The following FBXO17 variants were observed in gnomAD, a reference collection of about 807,000 sequenced individuals.
FBXO17 encodes the protein F-box only protein 17.
FBXO17 carries 43 observed loss-of-function variants against 34.1 expected under a neutral mutation model. That is an observed-to-expected ratio of 1.26 (90% CI 0.99 to 1.62). FBXO17 has a LOEUF of 1.62. FBXO17 is among the 40% of genes most tolerant of loss of function. The pLI, the probability that FBXO17 is intolerant of heterozygous loss-of-function variation, is 0.00. For missense variants in FBXO17, 424 were observed against 386.7 expected, an observed-to-expected ratio of 1.10 and a Z score of -0.81; for synonymous variants, 169 against 166.0, an observed-to-expected ratio of 1.02 and a Z score of -0.14.
In FBXO17 at chr19:38,966,307, G is replaced by C. The variant is rs981172728; in HGVS notation, c.-18+9279C>G. Among the ~76,000 whole-genome samples, 7 of 151,460 alleles carry C rather than the reference G, an allele frequency of 4.6e-5. No individual in the cohort carries two copies. In the Middle Eastern group the frequency reaches 0.01, roughly 221 times the overall value. ...AATTAAAAATTTTGTGTGTGTGTGT[G>C]TGTGTGTGTGTGTGGAGATGGGGTC... On this transcript the variant is annotated intron_variant, in intron 1 of 5. Coordinates refer to ENST00000292852, the MANE Select transcript of FBXO17 (RefSeq NM_024907.7).
In FBXO17 at chr19:38,948,683, G is replaced by T. The variant is rs1392836681; in HGVS notation, c.350-5C>A. 9.9e-6 allele frequency: 16 copies of T among 1,613,056 alleles called. No individual in the cohort carries two copies. Among genetic ancestry groups the T allele is most frequent in the Non-Finnish European group, 1.4e-5 (16 of 1,179,562 alleles). On this transcript the variant is annotated splice_polypyrimidine_tract_variant and splice_region_variant and intron_variant, in intron 2 of 5. Coordinates refer to ENST00000292852, the MANE Select transcript of FBXO17 (RefSeq NM_024907.7). ...CCTCCCAGCCTCTGAAGCCCTCTGT[G>T]GGAAAACAAGAGTTGAACATATGGT... is the stretch of plus-strand genomic sequence containing the variant.
In FBXO17 at chr19:38,947,458, C is replaced by G. The variant is rs1395830376; in HGVS notation, c.462-891G>C. On this transcript the variant is annotated intron_variant, in intron 3 of 5. Transcript: ENST00000292852. ...AAAATTAGCCAGGCATGGTGGCGCA[C>G]CTCTGTAGTCACAGCTATTCGGGAG... 3 of 152,036 alleles carry G rather than the reference C, an allele frequency of 2.0e-5. 1 individual carries two copies. Among genetic ancestry groups the G allele is most frequent in the Middle Eastern group, 6.3e-3 (2 of 316 alleles). 9.4% of individuals were successfully genotyped at this position (152,036 alleles called of 1,614,324 possible). A position where few individuals can be genotyped will look rare whatever the true frequency, so the allele number is the denominator to read the frequency against.
At position 38,950,178 on chromosome 19, in the gene FBXO17, C is replaced by A; in HGVS notation, c.142G>T (p.Ala48Ser). Residue 48 changes from alanine to serine, a missense_variant, in exon 2 of 6, where the codon GCC (alanine) becomes TCC (serine). By Grantham distance (99) the Ala-to-Ser change is moderately conservative. Transcript: ENST00000292852. ...GGCCCGTCCACTATGTCGCGCCAGG[C>A]GCGGCACACTGGGCGGCATCGCGTG... ...LVTRCRPVCR[A>S]WRDIVDGPTV... is the part of the protein sequence containing the mutation. The A allele has an allele frequency of 6.4e-7, 1 of 1,559,312 alleles. No individual in the cohort carries two copies.
intron 1 of FBXO17, 113 bp from the exon 2 acceptor site, chr19:38,950,449 G>A: frequency 7.6e-7 from 1 of 1,311,594 alleles, no homozygotes; most frequent in Non-Finnish European, 9.8e-7. Context: ...TTAGGTCCAT[G>A]GGCAACCAGG....
At chr19:38,966,925 TTTAAGAG>T (rs1975329059) in intron 1 of FBXO17, among the ~76,000 whole-genome samples, 2 of 152,200 alleles carry the variant, frequency 1.3e-5, no homozygotes, top group African/African-American at 4.8e-5. Flanking sequence ...TACATCTAAA[TTTAAGAG>T]TTAAAACTAT....
chr19:38,956,087 G>A (rs916204056), intron 1 of FBXO17, among the ~76,000 whole-genome samples: 5 of 151,840 alleles, frequency 3.3e-5, no homozygotes, highest in Non-Finnish European at 7.4e-5. Flanking sequence ...GCAACATGGC[G>A]AAACCCCATC....
At chr19:38,962,714 TTTTTCTTTCC>T (rs1600201493) in intron 1 of FBXO17, among the ~76,000 whole-genome samples, 2 of 149,456 alleles carry the variant, frequency 1.3e-5, no homozygotes, top group East Asian at 4.0e-4. Context: ...TTCTTTTTTC[TTTTTCTTTCC>T]TTTTTTTTTT....
At chr19:38,944,256 C>CATTATTTTTATTATTATTATT (rs1974937662) in intron 5 of FBXO17, among the ~76,000 whole-genome samples, 1 of 146,528 alleles carries the variant, frequency 6.8e-6, no homozygotes, top group African/African-American at 2.5e-5. Context: ...TGATCTGACT[C>CATTATTTTTATTATTATTATT]ATTATTATTA....
intron 1 of FBXO17, among the ~76,000 whole-genome samples, chr19:38,951,911 A>G (rs1259055369): frequency 6.6e-6 from 1 of 152,078 alleles, no homozygotes; most frequent in African/African-American, 2.4e-5. Flanking sequence ...GGCCTCCCGA[A>G]GTGCTGGGAT....
chr19:38,959,657 G>C (rs948602442), intron 1 of FBXO17, among the ~76,000 whole-genome samples: 1 of 152,074 alleles, frequency 6.6e-6, no homozygotes, highest in Non-Finnish European at 1.5e-5. Context: ...TTGGGAGGCT[G>C]AGGTGGGAGG....
At chr19:38,947,860 G>A (rs920893017) in intron 3 of FBXO17, among the ~76,000 whole-genome samples, 4 of 151,786 alleles carry the variant, frequency 2.6e-5, no homozygotes, top group East Asian at 1.9e-4. Flanking sequence ...CACCGTGCCC[G>A]GCCTTCAGTT....
intron 1 of FBXO17, among the ~76,000 whole-genome samples, chr19:38,961,350 A>G (rs774059034): frequency 1.4e-5 from 2 of 147,888 alleles, no homozygotes; most frequent in Non-Finnish European, 3.0e-5. Context: ...ATCTCAGCTC[A>G]CTGCAATCTC....
At position 38,941,434 on chromosome 19, in the gene FBXO17, GCCT is replaced by G. The variant is rs1568435670; in HGVS notation, c.*1171_*1173del. ...GGAGTGGGAAATCAGGGGTCTCACG[GCCT>G]TCAGAGCTGAGAGCCTTGAACAGAG... On this transcript the variant is annotated 3_prime_UTR_variant, in exon 6 of 6. Transcript: ENST00000292852. 15 of 152,202 alleles carry G rather than the reference GCCT, an allele frequency of 9.9e-5. No homozygotes were observed. The highest frequency in any genetic ancestry group is 8.5e-4 in the Admixed American group (13 of 15,274). 9.4% of individuals were successfully genotyped at this position (152,202 alleles called of 1,614,324 possible).
At position 38,942,441 on chromosome 19, in the gene FBXO17, AT is replaced by A; in HGVS notation, c.*166del. 1 of 619,410 alleles carries A rather than the reference AT, an allele frequency of 1.6e-6. No individual in the cohort carries two copies. Among genetic ancestry groups the A allele is most frequent in the Non-Finnish European group, 2.4e-6 (1 of 416,694 alleles). The allele number at this position is 619,410 out of a possible 1,614,324, so 38.4% of individuals were successfully genotyped here. A position where few individuals can be genotyped will look rare whatever the true frequency, so the allele number is the denominator to read the frequency against. On this transcript the variant is annotated 3_prime_UTR_variant, in exon 6 of 6. Transcript: ENST00000292852. ...ATGCCTGGCTAATTTTTTAAAAATT[AT>A]TTGTGGAGACGGTTTCACTATGTTG... is the stretch of plus-strand genomic sequence containing the variant.
At chr19:38,953,153 A>C (rs539876972) in intron 1 of FBXO17, among the ~76,000 whole-genome samples, 16 of 152,054 alleles carry the variant, frequency 1.1e-4, no homozygotes, top group African/African-American at 3.9e-4. Flanking sequence ...AATAAAATGA[A>C]AAAATTAGCC....
At chr19:38,968,352 G>A (rs1975347474) in intron 1 of FBXO17, among the ~76,000 whole-genome samples, 1 of 151,734 alleles carries the variant, frequency 6.6e-6, no homozygotes, top group African/African-American at 2.4e-5. Flanking sequence ...TGGGTGCAGT[G>A]GCTCATGCCT....
At chr19:38,967,843 G>A (rs1421899452) in intron 1 of FBXO17, among the ~76,000 whole-genome samples, 1 of 152,068 alleles carries the variant, frequency 6.6e-6, no homozygotes, top group African/African-American at 2.4e-5. Flanking sequence ...TGGGATTATG[G>A]GCATGAGCCA....
In FBXO17 at chr19:38,945,097, C is replaced by T. The variant is rs1039081740; in HGVS notation, c.565G>A (p.Ala189Thr). ...IEICVADWWG[A>T]RENCGCVYQL... Reference sequence around the variant, plus strand: ...TAGACGCAGCCGCAGTTCTCTCGAGCGCCCCACCTGCCAGGCAGCAGTCAG... The same window carrying T: ...TAGACGCAGCCGCAGTTCTCTCGAGTGCCCCACCTGCCAGGCAGCAGTCAG... The change falls in exon 5 of 6, where the codon GCT becomes ACT. Residue 189 changes from alanine (A) to threonine (T), a missense_variant. Coordinates refer to ENST00000292852, the MANE Select transcript of FBXO17 (RefSeq NM_024907.7). The T allele has an allele frequency of 8.1e-6, 13 of 1,614,056 alleles. No individual in the cohort carries two copies. Among genetic ancestry groups the T allele is most frequent in the Non-Finnish European group, 3.4e-6 (4 of 1,179,990 alleles).
At chr19:38,948,543 G>C (rs1975021064) in intron 3 of FBXO17, 24 bp downstream of exon 3, 3 of 1,596,858 alleles carry the variant, frequency 1.9e-6, no homozygotes, top group East Asian at 4.5e-5. Flanking sequence ...CCAGGGATCG[G>C]GGCCTCTCAC....
Sources: gnomAD v4.1 joint callset for allele counts (sites outside exome capture counted in the v4.1 genomes callset) on GRCh38, gnomAD v4.1.1 for gene constraint, MANE v1.5 for transcripts, NCBI Gene and HGNC (gene_info 2026-07-23, HGNC 2026-07-21) for gene names.